The following PNPLA8 variants were observed in gnomAD, a reference collection of about 807,000 sequenced individuals.
PNPLA8 encodes the protein patatin like domain 8, phospholipase A2, also known as calcium-independent phospholipase A2-gamma.
A neutral mutation model predicts 76.9 loss-of-function variants in PNPLA8; 39 were observed. That is an observed-to-expected ratio of 0.51 (90% CI 0.39 to 0.66). PNPLA8 has a LOEUF of 0.66. Among genes scored for constraint, PNPLA8 ranks in the 30% least tolerant of loss-of-function variants. The pLI, the probability that PNPLA8 is intolerant of heterozygous loss-of-function variation, is 0.00. For missense variants in PNPLA8, 887 were observed against 918.0 expected (o/e 0.97, Z 0.44); for synonymous variants, 301 against 307.9 (o/e 0.98, Z 0.24).
rs1238601805 is a variant in PNPLA8, at chr7:108,497,517, A to G, written c.1419T>C (p.His473=). 1.2e-6 allele frequency: 2 copies of G among 1,612,002 alleles called. No homozygotes were observed. The highest frequency in any genetic ancestry group is 3.3e-5 in the Admixed American group (2 of 59,802). Residue 473 remains histidine, a synonymous_variant, in exon 6 of 11, where the codon CAT becomes CAC. Transcript: ENST00000257694. The part of the protein sequence containing the change: ...KLVELTQKPV[H]QLFDYICGVS... ...CACCACAAATGTAATCAAAGAGCTGATGAACTGGCTTCTGAGTAAGTTCAA... is the reference window on the plus strand; with the variant it reads ...CACCACAAATGTAATCAAAGAGCTGGTGAACTGGCTTCTGAGTAAGTTCAA...
intron 8 of PNPLA8, among the ~76,000 whole-genome samples, chr7:108,490,315 C>A (rs1257082343): frequency 6.6e-6 from 1 of 152,122 alleles, no homozygotes; most frequent in Non-Finnish European, 1.5e-5. Context: ...TAGGCTATAC[C>A]ATTTAGCCTA....
chr7:108,505,330 A>T (rs1563967643), intron 4 of PNPLA8, among the ~76,000 whole-genome samples: 3 of 5,210 alleles, frequency 5.8e-4, no homozygotes, highest in African/African-American at 1.9e-3. Context: ...ATATATATAT[A>T]TATATATATA....
chr7:108,515,290 T>C lies in PNPLA8; in HGVS notation c.202A>G (p.Ser68Gly). Residue 68 changes from serine to glycine, a missense_variant, in exon 3 of 11, where the codon AGT (serine) becomes GGT (glycine). Coordinates refer to ENST00000257694, the MANE Select transcript of PNPLA8 (RefSeq NM_001256007.3). ...TTGCTTGGAGAGTAACAGTGCTTACTGCAAGAATGTGCTTCACTTTTGGTC... is the reference window on the plus strand; with the variant it reads ...TTGCTTGGAGAGTAACAGTGCTTACCGCAAGAATGTGCTTCACTTTTGGTC... ...KWTKSEAHSC[S>G]KHCYSPSNHG... The C allele has an allele frequency of 6.2e-7, 1 of 1,610,318 alleles. No homozygotes were observed. The highest frequency in any genetic ancestry group is 1.7e-5 in the Admixed American group (1 of 58,980).
chr7:108,510,530 G>A (rs189180414), intron 4 of PNPLA8: 229 of 1,378,424 alleles, frequency 1.7e-4, no homozygotes, highest in East Asian at 5.0e-4. Context: ...TATCAGTGGC[G>A]TGAGCCCAAA....
In PNPLA8 at chr7:108,472,495, A is replaced by C; in HGVS notation, c.2255T>G (p.Leu752Ter). ...CTGCAGAGTTGTTTTTTCTTGACTT[A>C]ATATTTTTGCAACTTTTTTCATTTT... ...EQKMKKVAKI[L>*]SQEKTTLQKI... Residue 752 changes from leucine to a stop codon, truncating the protein, a stop_gained, in exon 11 of 11, where the codon TTA becomes TGA. Coordinates refer to ENST00000257694, the MANE Select transcript of PNPLA8 (RefSeq NM_001256007.3). LOFTEE classifies it high-confidence loss of function. 1 of 1,606,148 alleles carries C rather than the reference A, an allele frequency of 6.2e-7. No homozygotes were observed. The highest frequency in any genetic ancestry group is 8.5e-7 in the Non-Finnish European group (1 of 1,175,752).
In PNPLA8 at chr7:108,496,734, A is replaced by T; in HGVS notation, c.1475T>A (p.Leu492Ter). The T allele has an allele frequency of 6.2e-7, 1 of 1,610,956 alleles. No homozygotes were observed. Among genetic ancestry groups the T allele is most frequent in the Non-Finnish European group, 8.5e-7 (1 of 1,178,666 alleles). ...ATCCAAGGGCATATGAAACAACCCC[A>T]ACATGAAAGCTAATATGGCACCTGG... ...VSTGAILAFMLGLFHMPLDEC... is the reference protein window; with the variant it reads ...VSTGAILAFM Residue 492 changes from leucine to a stop codon, truncating the protein, a stop_gained, in exon 7 of 11, where the codon TTG becomes TAG. Coordinates refer to ENST00000257694, the MANE Select transcript of PNPLA8 (RefSeq NM_001256007.3). LOFTEE classifies it high-confidence loss of function.
At position 108,491,390 on chromosome 7, in the gene PNPLA8, T is replaced by TTAAA. The variant is rs1208316575; in HGVS notation, c.1683+19_1683+20insTTTA. 6.6e-7 allele frequency: 1 copy of TTAAA among 1,517,610 alleles called. No individual in the cohort carries two copies. The highest frequency in any genetic ancestry group is 9.2e-7 in the Non-Finnish European group (1 of 1,092,010). 94.0% of individuals were successfully genotyped at this position (1,517,610 alleles called of 1,614,324 possible). A position where few individuals can be genotyped will look rare whatever the true frequency, so the allele number is the denominator to read the frequency against. ...CTTCAGATGGAACTAGGTGTTATAT[T>TTAAA]TAAGAGACTCTAAGCTTACCTTAGG... On this transcript the variant is annotated intron_variant, in intron 8 of 10. Transcript: ENST00000257694.
intron 4 of PNPLA8, among the ~76,000 whole-genome samples, chr7:108,508,841 G>T (rs1472409973): frequency 6.9e-6 from 1 of 145,964 alleles, no homozygotes; most frequent in African/African-American, 2.6e-5. Context: ...TAGATCAATG[G>T]AACAGAACAG....
Position 108,472,614 on chromosome 7 carries a change from T to C in PNPLA8, c.2136A>G (p.Val712=), listed in dbSNP as rs773825055. The change falls in exon 11 of 11, where the codon GTA becomes GTG. Residue 712 remains valine (V), a synonymous_variant. Coordinates refer to ENST00000257694, the MANE Select transcript of PNPLA8 (RefSeq NM_001256007.3). The stretch of plus-strand genomic sequence containing the variant: ...CATCTAGAGGTATGTTTTCACACAT[T>C]ACAGGATTGAATCTAAAATAGGTGT... ...PPDTYFRFNP[V]MCENIPLDES... 4 of 1,606,436 alleles carry C rather than the reference T, an allele frequency of 2.5e-6. No homozygotes were observed. In the South Asian group the frequency reaches 4.5e-5, roughly 18 times the overall value.
intron 4 of PNPLA8, among the ~76,000 whole-genome samples, chr7:108,503,389 T>C (rs1862106373): frequency 6.6e-6 from 1 of 152,206 alleles, no homozygotes; most frequent in Non-Finnish European, 1.5e-5. Context: ...CAAACAATTT[T>C]CCTAGGTATC....
intron 10 of PNPLA8, among the ~76,000 whole-genome samples, chr7:108,473,053 G>C (rs1236896350): frequency 6.6e-6 from 1 of 152,012 alleles, no homozygotes; most frequent in African/African-American, 2.4e-5. Flanking sequence ...GACAAGTTTT[G>C]ACAAATGTAT....
intron 4 of PNPLA8, among the ~76,000 whole-genome samples, chr7:108,504,034 G>C (rs779772848): frequency 6.6e-6 from 1 of 152,140 alleles, no homozygotes; most frequent in Non-Finnish European, 1.5e-5. Context: ...TGAGATGGTG[G>C]TTAAGTGAAC....
At chr7:108,494,956 A>G (rs926121119) in intron 7 of PNPLA8, among the ~76,000 whole-genome samples, 31 of 152,184 alleles carry the variant, frequency 2.0e-4, no homozygotes, top group Admixed American at 7.9e-4. Context: ...TCAAAAACCA[A>G]AACCTTTTTT....
intron 9 of PNPLA8, among the ~76,000 whole-genome samples, chr7:108,486,659 T>C (rs531853933): frequency 2.0e-5 from 3 of 152,286 alleles, no homozygotes; most frequent in Non-Finnish European, 4.4e-5. Context: ...TAGCTGGCCA[T>C]AACATTTTAA....
rs376036427 is a variant in PNPLA8, at chr7:108,472,511, T to C, written c.2239A>G (p.Lys747Glu). The change falls in exon 11 of 11, where the codon AAA becomes GAA. Residue 747 changes from lysine to glutamate, a missense_variant. By Grantham distance (56) the Lys-to-Glu change is moderately conservative (BLOSUM62 1). Coordinates refer to ENST00000257694, the MANE Select transcript of PNPLA8 (RefSeq NM_001256007.3). Reference protein sequence around the residue: ...YIERNEQKMKKVAKILSQEKT... With the variant: ...YIERNEQKMKEVAKILSQEKT... Reference sequence around the variant, plus strand: ...TCTTGACTTAATATTTTTGCAACTTTTTTCATTTTTTGTTCATTTCTTTCT... The same window carrying C: ...TCTTGACTTAATATTTTTGCAACTTCTTTCATTTTTTGTTCATTTCTTTCT... 2 of 1,610,508 alleles carry C rather than the reference T, an allele frequency of 1.2e-6. No homozygotes were observed. Among genetic ancestry groups the C allele is most frequent in the Non-Finnish European group, 1.7e-6 (2 of 1,179,094 alleles).
chr7:108,509,587 A>G (rs1342802479), intron 4 of PNPLA8, among the ~76,000 whole-genome samples: 9 of 146,998 alleles, frequency 6.1e-5, no homozygotes, highest in African/African-American at 2.3e-4. Context: ...TGGGACTGTA[A>G]ACTAGTTCAA....
rs376574283 is a variant in PNPLA8 at position 108,526,102 on chromosome 7, G to A, written c.-203C>T. 1.0e-5 allele frequency: 10 copies of A among 985,508 alleles called. No homozygotes were observed. Among genetic ancestry groups the A allele is most frequent in the South Asian group, 4.7e-5 (1 of 21,308 alleles). 61.0% of individuals were successfully genotyped at this position (985,508 alleles called of 1,614,324 possible). ...CCCGGCAATGACGTCCACTCCAACC[G>A]GCCTGCATCAGCTGAGCTTCCAACA... On this transcript the variant is annotated 5_prime_UTR_variant, in exon 1 of 11. Transcript: ENST00000257694.
At chr7:108,520,714 AATATT>A (rs1277976165) in intron 2 of PNPLA8, among the ~76,000 whole-genome samples, 5 of 152,178 alleles carry the variant, frequency 3.3e-5, no homozygotes, top group South Asian at 2.1e-4. Context: ...AATATATACA[AATATT>A]ATATATCATT....
chr7:108,512,654 C>T (rs956762029), intron 4 of PNPLA8, among the ~76,000 whole-genome samples: 3 of 152,026 alleles, frequency 2.0e-5, no homozygotes, highest in Non-Finnish European at 4.4e-5. Flanking sequence ...AAAAGTTTAG[C>T]TGGAAAAGTT....
Sources: gnomAD v4.1 joint callset for allele counts (sites outside exome capture counted in the v4.1 genomes callset) on GRCh38, gnomAD v4.1.1 for gene constraint, MANE v1.5 for transcripts, NCBI Gene and HGNC (gene_info 2026-07-23, HGNC 2026-07-21) for gene names.